Variants in ZFYVE27 observed in about 807,000 individuals in gnomAD.
The protein encoded by ZFYVE27 is protrudin.
A neutral mutation model predicts 52.8 loss-of-function variants in ZFYVE27; 36 were observed. That is an observed-to-expected ratio of 0.68 (90% confidence interval 0.52 to 0.90). The LOEUF (loss-of-function observed/expected upper bound fraction) is 0.90. Ranked by LOEUF, ZFYVE27 falls within the 40% of genes least tolerant of loss-of-function variation. The pLI is 0.00. For missense variants in ZFYVE27, 450 were observed against 527.2 expected, an observed-to-expected ratio of 0.85 and a Z score of 1.43; for synonymous variants, 223 against 215.6, an observed-to-expected ratio of 1.03 and a Z score of -0.30.
At chr10:97,742,297 A>G (rs1488146043) in intron 2 of ZFYVE27, among the ~76,000 whole-genome samples, 1 of 151,920 alleles carries the variant, frequency 6.6e-6, no homozygotes, top group Non-Finnish European at 1.5e-5. Flanking sequence ...CTCTTTCCCT[A>G]CTAAATGTCC....
intron 3 of ZFYVE27, among the ~76,000 whole-genome samples, chr10:97,744,386 G>A (rs1008972806): frequency 3.3e-5 from 5 of 152,322 alleles, no homozygotes; most frequent in East Asian, 1.9e-4. Flanking sequence ...ACACTCCAGC[G>A]TGAGCCTCCT....
At chr10:97,741,292 G>A (rs149093733) in intron 2 of ZFYVE27, among the ~76,000 whole-genome samples, 18,644 of 152,146 alleles carry the variant, frequency 0.12, 1,136 homozygotes, top group South Asian at 0.17. Flanking sequence ...AAATCATTCT[G>A]CTGTAAAGAC....
Position 97,750,446 on chromosome 10 carries a change from C to CA in ZFYVE27, c.781dup (p.Thr261AsnfsTer19). The CA allele has an allele frequency of 6.2e-7, 1 of 1,614,152 alleles. No individual in the cohort carries two copies. Among genetic ancestry groups the CA allele is most frequent in the Non-Finnish European group, 8.5e-7 (1 of 1,180,042 alleles). On this transcript the variant is annotated frameshift_variant, in exon 7 of 13. Transcript: ENST00000684270. LOFTEE classifies it high-confidence loss of function. ...GGGGGAAGGATGGTCTGATGGACAG[C>CA]ACGCCTGCCCTCACACCCACGGAGG...
chr10:97,737,591 G>A (rs1266043809), intron 1 of ZFYVE27, among the ~76,000 whole-genome samples: 1 of 152,242 alleles, frequency 6.6e-6, no homozygotes, highest in Non-Finnish European at 1.5e-5. Context: ...GGGATTTCGG[G>A]GTCCCGTTGG....
chr10:97,741,008 C>T (rs2043475548), intron 2 of ZFYVE27, among the ~76,000 whole-genome samples: 1 of 152,124 alleles, frequency 6.6e-6, no homozygotes, highest in African/African-American at 2.4e-5. Flanking sequence ...GCTTTTATTT[C>T]GCTTTTACCC....
Position 97,759,285 on chromosome 10 carries a change from G to C in ZFYVE27, c.1221G>C (p.Gln407His). 1 of 1,614,182 alleles carries C rather than the reference G, an allele frequency of 6.2e-7. No individual in the cohort carries two copies. Among genetic ancestry groups the C allele is most frequent in the Non-Finnish European group, 8.5e-7 (1 of 1,180,026 alleles). Reference sequence around the variant, plus strand: ...TGTTTGTGTGTGCCTCGTGTAACCAGACCTTGAGCAAGTGAGAAGAGAGGC... The same window carrying C: ...TGTTTGTGTGTGCCTCGTGTAACCACACCTTGAGCAAGTGAGAAGAGAGGC... The part of the protein sequence containing the change: ...ETVFVCASCN[Q>H]TLSK The change falls in exon 13 of 13, where the codon CAG becomes CAC. Residue 407 changes from glutamine (Q) to histidine (H), a missense_variant. Gln to His is a conservative substitution (Grantham distance 24). Coordinates refer to ENST00000684270, the MANE Select transcript of ZFYVE27 (RefSeq NM_001385875.1).
rs180716763 is a variant in ZFYVE27 at position 97,754,766 on chromosome 10, C to G, written c.1042+1584C>G. ...GGCAGTTCTTAAGGGTTCAGAGCAGCCAGATTCCAGCAGTGCCCGGTAACA... is the reference window on the plus strand; with the variant it reads ...GGCAGTTCTTAAGGGTTCAGAGCAGGCAGATTCCAGCAGTGCCCGGTAACA... On this transcript the variant is annotated intron_variant, in intron 10 of 12. Transcript: ENST00000684270. 15 of 1,289,240 alleles carry G rather than the reference C, an allele frequency of 1.2e-5. No individual in the cohort carries two copies. The African/African-American group carries it at 2.1e-4, about 18-fold the overall frequency. 79.9% of individuals were successfully genotyped at this position (1,289,240 alleles called of 1,614,324 possible). A position where few individuals can be genotyped will look rare whatever the true frequency, so the allele number is the denominator to read the frequency against.
intron 10 of ZFYVE27, chr10:97,754,593 G>T: frequency 8.0e-7 from 1 of 1,246,326 alleles, no homozygotes; most frequent in East Asian, 5.6e-5. Context: ...AGGATTACAA[G>T]TGTGAGCCAC....
At chr10:97,746,687 C>CT (rs777562975) in intron 4 of ZFYVE27, among the ~76,000 whole-genome samples, 2,074 of 142,626 alleles carry the variant, frequency 0.015, 38 homozygotes, top group East Asian at 0.06. Flanking sequence ...TTCCTTTTTT[C>CT]TTTTTTTTTT....
Position 97,744,752 on chromosome 10 carries a change from C to A in ZFYVE27, c.292C>A (p.Leu98Met), listed in dbSNP as rs372079099. The change falls in exon 4 of 13, where the codon CTG (leucine) becomes ATG (methionine). Residue 98 changes from leucine to methionine, a missense_variant. Coordinates refer to ENST00000684270, the MANE Select transcript of ZFYVE27 (RefSeq NM_001385875.1). ...AGGTGCATGGTACTCAGTAGGTGCC[C>A]TGATGATTTCAGTGCCCGCCCTGCT... ...NEGAWYSVGA[L>M]MISVPALLGY... 3.1e-6 allele frequency: 5 copies of A among 1,613,782 alleles called. No individual in the cohort carries two copies. The Middle Eastern group carries it at 5.1e-4, about 166-fold the overall frequency.
chr10:97,757,687 T>A lies in ZFYVE27; in HGVS notation c.1135T>A (p.Ser379Thr), dbSNP rs761562925. The A allele has an allele frequency of 6.2e-7, 1 of 1,614,194 alleles. No homozygotes were observed. The highest frequency in any genetic ancestry group is 1.1e-5 in the South Asian group (1 of 91,086). Reference sequence around the variant, plus strand: ...AAACAGCTTCTGCTCTCGATGCTGCTCCTTCAAGGTGCCCAAGTCCTCCAT... The same window carrying A: ...AAACAGCTTCTGCTCTCGATGCTGCACCTTCAAGGTGCCCAAGTCCTCCAT... ...CGNSFCSRCC[S>T]FKVPKSSMGA... Residue 379 changes from serine to threonine, a missense_variant, in exon 12 of 13, where the codon TCC (serine) becomes ACC (threonine). By Grantham distance (58) the Ser-to-Thr change is moderately conservative. Transcript: ENST00000684270.
At chr10:97,748,473 A>G in intron 5 of ZFYVE27, 109 bp downstream of exon 5, 3 of 1,089,868 alleles carry the variant, frequency 2.8e-6, no homozygotes, top group Non-Finnish European at 4.1e-6. Flanking sequence ...TCAGGGGAAG[A>G]GCTCGCCTCC....
intron 3 of ZFYVE27, 81 bp downstream of exon 3, chr10:97,743,245 G>A (rs1295323692): frequency 1.3e-5 from 20 of 1,496,718 alleles, no homozygotes; most frequent in Non-Finnish European, 1.8e-5. Flanking sequence ...CACCCTATGT[G>A]TGGGAGCTGC....
At chr10:97,749,120 C>T (rs1409578794) in intron 5 of ZFYVE27, among the ~76,000 whole-genome samples, 1 of 152,080 alleles carries the variant, frequency 6.6e-6, no homozygotes, top group Non-Finnish European at 1.5e-5. Context: ...GGAGCTGTGC[C>T]CAGAGAACCA....
chr10:97,737,343 C>G (rs1393121688), intron 1 of ZFYVE27, 22 bp downstream of exon 1: 1 of 152,416 alleles, frequency 6.6e-6, no homozygotes, highest in Non-Finnish European at 1.5e-5. Flanking sequence ...GCCGTCCCCC[C>G]GCGTCCCAGT....
chr10:97,739,741 C>G (rs913045915), intron 2 of ZFYVE27, among the ~76,000 whole-genome samples: 29 of 152,254 alleles, frequency 1.9e-4, no homozygotes, highest in East Asian at 1.5e-3. Context: ...AAGACAATCT[C>G]TCTCGTGACA....
At chr10:97,741,290 C>G (rs2135952911) in intron 2 of ZFYVE27, among the ~76,000 whole-genome samples, 1 of 152,282 alleles carries the variant, frequency 6.6e-6, no homozygotes, top group East Asian at 1.9e-4. Flanking sequence ...ATAAATCATT[C>G]TGCTGTAAAG....
Position 97,744,905 on chromosome 10 carries a change from G to A in ZFYVE27, c.445G>A (p.Val149Met). Residue 149 changes from valine (V) to methionine (M), a missense_variant, in exon 4 of 13, where the codon GTG (valine) becomes ATG (methionine). Transcript: ENST00000684270. Reference protein sequence around the residue: ...RLSRPEAVAEVKSFLIQLEAF... With the variant: ...RLSRPEAVAEMKSFLIQLEAF... Reference sequence around the variant, plus strand: ...GTCTCGTCCCGAGGCCGTGGCTGAGGTGAAGAGCTTGTGAGTATGGAAGAG... The same window carrying A: ...GTCTCGTCCCGAGGCCGTGGCTGAGATGAAGAGCTTGTGAGTATGGAAGAG... 1 of 1,579,146 alleles carries A rather than the reference G, an allele frequency of 6.3e-7. No individual in the cohort carries two copies. The highest frequency in any genetic ancestry group is 1.7e-4 in the Middle Eastern group (1 of 5,790).
intron 2 of ZFYVE27, 136 bp from the exon 3 acceptor site, chr10:97,742,958 C>G (rs1284479914): frequency 1.5e-5 from 14 of 907,962 alleles, no homozygotes; most frequent in Non-Finnish European, 2.2e-5. Flanking sequence ...AGTGAGAGGC[C>G]CCCTTTTCGT....
Sources: allele counts gnomAD v4.1 joint callset (sites outside exome capture counted in the v4.1 genomes callset), GRCh38; gene constraint gnomAD v4.1.1; transcripts MANE v1.5; gene names NCBI Gene and HGNC (gene_info 2026-07-23, HGNC 2026-07-21).